The following LINGO2 variants were observed in gnomAD, a reference collection of about 807,000 sequenced individuals.
LINGO2 encodes leucine-rich repeat and immunoglobulin-like domain-containing nogo receptor-interacting protein 2.
Under a neutral mutation model 30.6 loss-of-function variants are expected in LINGO2, and 14 were observed. That is an observed-to-expected ratio of 0.46 (90% CI 0.30 to 0.72). The LOEUF is 0.72. Ranked by LOEUF, LINGO2 falls within the 30% of genes least tolerant of loss-of-function variation. LINGO2 has a pLI of 0.07. For synonymous variants in LINGO2, 317 were observed against 288.5 expected (o/e 1.10, Z -1.00); for missense variants, 729 against 751.7 (o/e 0.97, Z 0.35).
chr9:28,295,709 C>A (rs1316324858), intron 3 of LINGO2, among the ~76,000 whole-genome samples: 5 of 152,106 alleles, frequency 3.3e-5, no homozygotes, highest in Non-Finnish European at 5.9e-5. Flanking sequence ...GAGTATTCTT[C>A]TACTTTACCC....
At chr9:28,166,043 A>C (rs1436374769) in intron 4 of LINGO2, among the ~76,000 whole-genome samples, 2 of 152,226 alleles carry the variant, frequency 1.3e-5, no homozygotes, top group African/African-American at 4.8e-5. Context: ...CTCATAACAG[A>C]GTGGCCTTTC....
intron 4 of LINGO2, among the ~76,000 whole-genome samples, chr9:28,048,503 T>C (rs952946153): frequency 6.6e-6 from 1 of 150,842 alleles, no homozygotes; most frequent in East Asian, 2.0e-4. Context: ...TTAAGAAATA[T>C]TGTATTCATT....
chr9:28,510,046 T>G (rs1161235755), intron 1 of LINGO2, among the ~76,000 whole-genome samples: 1 of 152,244 alleles, frequency 6.6e-6, no homozygotes, highest in African/African-American at 2.4e-5. Flanking sequence ...CTCCGGCAGC[T>G]TACTGCCCTG....
At chr9:28,006,865 T>G (rs899890033) in intron 5 of LINGO2, among the ~76,000 whole-genome samples, 2 of 152,082 alleles carry the variant, frequency 1.3e-5, no homozygotes, top group African/African-American at 4.8e-5. Context: ...CTAACAAATG[T>G]TTATGGTTGA....
intron 1 of LINGO2, among the ~76,000 whole-genome samples, chr9:28,583,634 T>G (rs1824380576): frequency 6.6e-6 from 1 of 152,050 alleles, no homozygotes; most frequent in African/African-American, 2.4e-5. Flanking sequence ...ATGGACATAC[T>G]ACAAATAAAC....
the LINGO2 span, among the ~76,000 whole-genome samples, chr9:28,784,419 T>C: frequency 6.6e-6 from 1 of 152,194 alleles, no homozygotes; most frequent in Non-Finnish European, 1.5e-5. Context: ...TTCAGCTGCT[T>C]ACTAGCTGTG....
chr9:28,864,315 C>A, the LINGO2 span, among the ~76,000 whole-genome samples: 2 of 152,014 alleles, frequency 1.3e-5, no homozygotes, highest in Non-Finnish European at 1.5e-5. Flanking sequence ...AGTATTTTTT[C>A]ATATGACTGC....
intron 4 of LINGO2, among the ~76,000 whole-genome samples, chr9:28,166,438 A>G (rs1271033716): frequency 6.6e-6 from 1 of 152,206 alleles, no homozygotes; most frequent in Non-Finnish European, 1.5e-5. Flanking sequence ...CAGCTATGAG[A>G]CATTCAAATG....
chr9:29,022,590 C>G, the LINGO2 span, among the ~76,000 whole-genome samples: 1 of 152,118 alleles, frequency 6.6e-6, no homozygotes, highest in Non-Finnish European at 1.5e-5. Flanking sequence ...ATGTAAAAAA[C>G]AAGTAGTTTT....
At chr9:28,996,987 T>G in the LINGO2 span, among the ~76,000 whole-genome samples, 1 of 152,220 alleles carries the variant, frequency 6.6e-6, no homozygotes, top group Admixed American at 6.5e-5. Context: ...TTCCTTCTCC[T>G]TGGCCAGGCA....
At chr9:29,154,371 AC>A in the LINGO2 span, among the ~76,000 whole-genome samples, 1 of 148,388 alleles carries the variant, frequency 6.7e-6, no homozygotes, top group African/African-American at 2.5e-5. Flanking sequence ...AATGGCGTGA[AC>A]CCGGGAGGCG....
chr9:28,413,464 G>A (rs1438281519), intron 2 of LINGO2, among the ~76,000 whole-genome samples: 13 of 151,954 alleles, frequency 8.6e-5, no homozygotes, highest in Admixed American at 1.3e-4. Context: ...AGTGATATGC[G>A]AACTCTATAG....
At chr9:29,148,517 C>A in the LINGO2 span, among the ~76,000 whole-genome samples, 1 of 152,096 alleles carries the variant, frequency 6.6e-6, no homozygotes, top group Non-Finnish European at 1.5e-5. Flanking sequence ...ATAGTGCCAA[C>A]CTCCTACAAT....
At chr9:28,480,663 C>A (rs979525) in intron 1 of LINGO2, among the ~76,000 whole-genome samples, 25,632 of 151,972 alleles carry the variant, frequency 0.17, 2,562 homozygotes, top group Non-Finnish European at 0.21. Context: ...CCTCACCTTG[C>A]AACTGGCTTC....
At chr9:28,384,039 A>G (rs1821466901) in intron 2 of LINGO2, among the ~76,000 whole-genome samples, 2 of 152,086 alleles carry the variant, frequency 1.3e-5, no homozygotes, top group Admixed American at 1.3e-4. Context: ...AAAACATTAC[A>G]CAATACAACA....
At chr9:28,140,437 C>T (rs557668246) in intron 4 of LINGO2, among the ~76,000 whole-genome samples, 1 of 152,242 alleles carries the variant, frequency 6.6e-6, no homozygotes, top group South Asian at 2.1e-4. Context: ...GGAGAGTAGC[C>T]ATACTTCTTA....
chr9:28,992,166 G>C, the LINGO2 span, among the ~76,000 whole-genome samples: 1 of 151,864 alleles, frequency 6.6e-6, no homozygotes, highest in East Asian at 1.9e-4. Context: ...AAAGGATGGA[G>C]GAAGATCTAC....
At chr9:28,351,008 A>G (rs1369165937) in intron 3 of LINGO2, among the ~76,000 whole-genome samples, 2 of 152,164 alleles carry the variant, frequency 1.3e-5, no homozygotes, top group Non-Finnish European at 2.9e-5. Flanking sequence ...CAGTGTGTAG[A>G]GGGAAAGTTA....
the LINGO2 span, among the ~76,000 whole-genome samples, chr9:29,069,336 A>T: frequency 6.6e-6 from 1 of 151,950 alleles, no homozygotes; most frequent in Non-Finnish European, 1.5e-5. Flanking sequence ...AAGATATAAT[A>T]CTCAAAATGG....
Sources: gnomAD v4.1 joint callset for allele counts (sites outside exome capture counted in the v4.1 genomes callset) on GRCh38, gnomAD v4.1.1 for gene constraint, MANE v1.5 for transcripts, NCBI Gene and HGNC (gene_info 2026-07-23, HGNC 2026-07-21) for gene names.